AGAP2: variants seen among roughly 807,000 people sequenced by gnomAD.
The protein encoded by AGAP2 is ArfGAP with GTPase domain, ankyrin repeat and PH domain 2.
AGAP2 carries 32 observed loss-of-function variants against 110.9 expected under a neutral mutation model. The ratio of observed to expected loss-of-function variants is 0.29; its 90% confidence interval spans 0.22 to 0.39. The LOEUF is 0.39. Ranked by LOEUF, AGAP2 falls within the 10% of genes least tolerant of loss-of-function variation. AGAP2 has a pLI of 1.00. For missense variants in AGAP2, 1,285 were observed against 1,638.5 expected, an observed-to-expected ratio of 0.78 and a Z score of 3.72; for synonymous variants, 702 against 713.0, an observed-to-expected ratio of 0.98 and a Z score of 0.25.
At chr12:57,741,846 A>G, upstream of AGAP2, 1 of 1,559,102 alleles carries the variant, frequency 6.4e-7, no homozygotes, top group Non-Finnish European at 8.8e-7. Context: ...TATATGATAC[A>G]GCTAAACCTT....
Position 57,734,055 on chromosome 12 carries a change from C to T in AGAP2, c.1520G>A (p.Gly507Asp). The T allele has an allele frequency of 6.2e-7, 1 of 1,607,760 alleles. No individual in the cohort carries two copies. The highest frequency in any genetic ancestry group is 2.2e-5 in the East Asian group (1 of 44,808). Residue 507 changes from glycine to aspartate, a missense_variant, in exon 5 of 19, where the codon GGC (glycine) becomes GAC (aspartate). Coordinates refer to ENST00000547588, the MANE Select transcript of AGAP2 (RefSeq NM_001122772.3). ...TGTCCCCACCAGTGCCAAGGCCAGG[C>T]CTCCTCGTCCCTCCCCGCGAAGGGA... ...LSSLRGEGRG[G>D]LALALVGTQD...
At chr12:57,730,736 T>C (rs1954869354) in intron 11 of AGAP2, 55 bp downstream of exon 11, 1 of 1,610,932 alleles carries the variant, frequency 6.2e-7, no homozygotes. Context: ...CTCTTACCCC[T>C]CTTTTTCCCC....
chr12:57,735,792 T>C (rs113040833), intron 1 of AGAP2, among the ~76,000 whole-genome samples: 45 of 152,188 alleles, frequency 3.0e-4, no homozygotes, highest in Non-Finnish European at 5.4e-4. Flanking sequence ...AGCTCCTCCC[T>C]AACCCACTGG....
rs1275293366 is a variant in AGAP2, at chr12:57,726,374, G to C, written c.*178C>G. On this transcript the variant is annotated 3_prime_UTR_variant, in exon 19 of 19. Coordinates refer to ENST00000547588, the MANE Select transcript of AGAP2 (RefSeq NM_001122772.3). The surrounding 1 kb of genome is among the most constrained non-coding windows in gnomAD (Gnocchi z 5.7). ...GGGTCTCCATGCCTCGTTGGGGAGA[G>C]GGAGGTGAGTTTGTGTCTTCTGGAA... 2.2e-6 allele frequency: 1 copy of C among 464,996 alleles called. No homozygotes were observed. The highest frequency in any genetic ancestry group is 2.1e-5 in the African/African-American group (1 of 47,776). The allele number at this position is 464,996 out of a possible 1,614,324, so 28.8% of individuals were successfully genotyped here. A position where few individuals can be genotyped will look rare whatever the true frequency, so the allele number is the denominator to read the frequency against.
chr12:57,738,817 A>G (rs1595097755), upstream of AGAP2, among the ~76,000 whole-genome samples: 1 of 91,466 alleles, frequency 1.1e-5, no homozygotes, highest in African/African-American at 4.2e-5. The surrounding 1 kb of genome is among the most constrained non-coding windows in gnomAD (Gnocchi z 6.7). Context: ...GCGGCGGGGG[A>G]GGAAAGAGGG....
upstream of AGAP2, chr12:57,742,109 C>G: frequency 6.2e-7 from 1 of 1,603,926 alleles, no homozygotes; most frequent in Non-Finnish European, 8.5e-7. Context: ...ACAACCACCT[C>G]TGGCCCTGAG....
intron 8 of AGAP2, 72 bp from the exon 9 acceptor site, chr12:57,731,714 T>G: frequency 6.2e-7 from 1 of 1,603,586 alleles, no homozygotes; most frequent in Non-Finnish European, 8.5e-7. Context: ...GGAAGATAGA[T>G]GAAGAAGGGC....
chr12:57,729,175 CA>C (rs766183934), intron 13 of AGAP2, among the ~76,000 whole-genome samples: 144 of 36,368 alleles, frequency 4.0e-3, no homozygotes, highest in Middle Eastern at 0.012. Context: ...GACTCCATCT[CA>C]AAAAAAAAAA....
intron 3 of AGAP2, 59 bp from the exon 4 acceptor site, chr12:57,734,463 C>T (rs1954943007): frequency 9.4e-6 from 15 of 1,597,770 alleles, no homozygotes; most frequent in Non-Finnish European, 1.3e-5. Context: ...CAAACCTCCC[C>T]ATGCTCCCAG....
chr12:57,735,388 G>C lies in AGAP2; in HGVS notation c.1208C>G (p.Ser403Cys), dbSNP rs756760764. The C allele has an allele frequency of 1.2e-6, 2 of 1,613,954 alleles. No homozygotes were observed. Among genetic ancestry groups the C allele is most frequent in the South Asian group, 1.1e-5 (1 of 90,990 alleles). Reference sequence around the variant, plus strand: ...ACCTACCAGGCGCAGTTCAGGAATGGAGCGGCTCAAAGTCCATTCCTGGCT... The same window carrying C: ...ACCTACCAGGCGCAGTTCAGGAATGCAGCGGCTCAAAGTCCATTCCTGGCT... ...INSQEWTLSR[S>C]IPELRLGVLG... Residue 403 changes from serine to cysteine, a missense_variant, in exon 2 of 19, where the codon TCC (serine) becomes TGC (cysteine). Transcript: ENST00000547588.
intron 13 of AGAP2, among the ~76,000 whole-genome samples, chr12:57,729,358 A>G (rs1954839947): frequency 6.6e-6 from 1 of 151,644 alleles, no homozygotes; most frequent in Non-Finnish European, 1.5e-5. Flanking sequence ...GAGTTGAGGG[A>G]AGGAAGAGGA....
At chr12:57,735,288 G>T in intron 2 of AGAP2, 81 bp downstream of exon 2, 1 of 1,271,880 alleles carries the variant, frequency 7.9e-7, no homozygotes, top group Non-Finnish European at 1.1e-6. Flanking sequence ...AGAGAGAGAA[G>T]GAGAGGTGAA....
chr12:57,732,363 T>C (rs1466369948), intron 7 of AGAP2, 40 bp downstream of exon 7: 9 of 1,535,406 alleles, frequency 5.9e-6, no homozygotes, highest in South Asian at 2.4e-5. Flanking sequence ...CCCCTCTGCA[T>C]CTTACCGGCC....
At position 57,732,765 on chromosome 12, in the gene AGAP2, G is replaced by A. The variant is rs1715402085; in HGVS notation, c.1684+80C>T. On this transcript the variant is annotated intron_variant, in intron 6 of 18. Coordinates refer to ENST00000547588, the MANE Select transcript of AGAP2 (RefSeq NM_001122772.3). ...TAATTTCCTGTCACTCACAGAGAGAGGCCTGGATGCCTGACCACTGAGAAT... is the reference window on the plus strand; with the variant it reads ...TAATTTCCTGTCACTCACAGAGAGAAGCCTGGATGCCTGACCACTGAGAAT... 1.9e-6 allele frequency: 3 copies of A among 1,586,936 alleles called. No homozygotes were observed. The South Asian group carries it at 3.4e-5, about 18-fold the overall frequency.
Position 57,730,629 on chromosome 12 carries a change from T to C in AGAP2, c.2309-15A>G, listed in dbSNP as rs1487333086. On this transcript the variant is annotated splice_polypyrimidine_tract_variant and intron_variant, in intron 11 of 18. Coordinates refer to ENST00000547588, the MANE Select transcript of AGAP2 (RefSeq NM_001122772.3). ...AGTAGTGGCTTCTGTCGGAAGAAGATGAAACCTCAGTGAGCCTCTTTCTTC... is the reference window on the plus strand; with the variant it reads ...AGTAGTGGCTTCTGTCGGAAGAAGACGAAACCTCAGTGAGCCTCTTTCTTC... The C allele has an allele frequency of 4.3e-6, 7 of 1,610,966 alleles. No homozygotes were observed. The highest frequency in any genetic ancestry group is 5.1e-6 in the Non-Finnish European group (6 of 1,178,370).
intron 13 of AGAP2, 52 bp from the exon 14 acceptor site, chr12:57,728,429 A>T (rs927141736): frequency 3.7e-5 from 59 of 1,577,432 alleles, no homozygotes; most frequent in Non-Finnish European, 7.0e-6. Context: ...CAGAACAGAG[A>T]AAGAGAGACC....
At position 57,737,171 on chromosome 12, in the gene AGAP2, G is replaced by A; in HGVS notation, c.1076C>T (p.Pro359Leu). 1 of 1,583,174 alleles carries A rather than the reference G, an allele frequency of 6.3e-7. No individual in the cohort carries two copies. Among genetic ancestry groups the A allele is most frequent in the Non-Finnish European group, 8.6e-7 (1 of 1,164,896 alleles). The change falls in exon 1 of 19, where the codon CCT (proline) becomes CTT (leucine). Residue 359 changes from proline to leucine, a missense_variant. Transcript: ENST00000547588. This position sits in a 1 kb window ranked among gnomAD's most constrained non-coding sequence, Gnocchi z 5.9. ...TCCGGGAAGGGGCCCGGAGCCAGGAGGCCCTCCTGTGCTCTTGGTGAAGAT... is the reference window on the plus strand; with the variant it reads ...TCCGGGAAGGGGCCCGGAGCCAGGAAGCCCTCCTGTGCTCTTGGTGAAGAT... ...SGIFTKSTGG[P>L]PGSGPLPGPP...
upstream of AGAP2, among the ~76,000 whole-genome samples, chr12:57,738,998 A>G (rs1327696505): frequency 1.7e-5 from 1 of 57,934 alleles, no homozygotes; most frequent in East Asian, 5.1e-4. This position sits in a 1 kb window ranked among gnomAD's most constrained non-coding sequence, Gnocchi z 6.7. Context: ...CCCCCACCCT[A>G]TCTCCCCCCC....
intron 1 of AGAP2, 39 bp from the exon 2 acceptor site, chr12:57,735,466 G>A (rs763170128): frequency 6.3e-7 from 1 of 1,595,258 alleles, no homozygotes; most frequent in African/African-American, 1.3e-5. Flanking sequence ...GAGGCTCCTG[G>A]CTCAGAAGGA....
Sources: gnomAD v4.1 joint callset for allele counts (sites outside exome capture counted in the v4.1 genomes callset) on GRCh38, gnomAD v4.1.1 for gene constraint, Gnocchi (gnomAD v3.1) non-coding constraint, MANE v1.5 for transcripts, NCBI Gene and HGNC (gene_info 2026-07-23, HGNC 2026-07-21) for gene names.